The following OPCML variants were observed in gnomAD, a reference collection of about 807,000 sequenced individuals.
OPCML encodes the protein opioid-binding protein/cell adhesion molecule.
In OPCML, 13 loss-of-function variants were observed where a neutral mutation model predicts 37.8. The ratio of observed to expected loss-of-function variants is 0.34; its 90% CI spans 0.22 to 0.55. OPCML has a LOEUF of 0.55. Ranked by LOEUF, OPCML falls within the 20% of genes least tolerant of loss-of-function variation. The pLI, the probability that OPCML is intolerant of heterozygous loss-of-function variation, is 0.91. For synonymous variants in OPCML, 176 were observed against 168.8 expected (o/e 1.04, Z -0.33); for missense variants, 341 against 435.6 (o/e 0.78, Z 1.93).
intron 2 of OPCML, among the ~76,000 whole-genome samples, chr11:132,788,208 C>T (rs780712380): frequency 1.3e-5 from 2 of 152,104 alleles, no homozygotes; most frequent in Non-Finnish European, 2.9e-5. Flanking sequence ...CATCTCTGAG[C>T]TAATATGTCC....
At chr11:133,281,093 T>A (rs1942139799) in intron 1 of OPCML, among the ~76,000 whole-genome samples, 1 of 152,140 alleles carries the variant, frequency 6.6e-6, no homozygotes, top group Non-Finnish European at 1.5e-5. Flanking sequence ...TGTCCCTCAC[T>A]GGGCATCACC....
intron 1 of OPCML, among the ~76,000 whole-genome samples, chr11:133,229,868 T>C (rs1290050603): frequency 6.6e-6 from 1 of 152,200 alleles, no homozygotes; most frequent in African/African-American, 2.4e-5. Context: ...AGTTAGTGCG[T>C]ATTTCCCTTT....
chr11:132,938,903 G>A (rs906971221), intron 2 of OPCML, among the ~76,000 whole-genome samples: 28 of 152,098 alleles, frequency 1.8e-4, no homozygotes, highest in African/African-American at 5.8e-4. Context: ...CAATGGCCAC[G>A]TCCATCCCCA....
chr11:132,625,115 C>T (rs1457957391), intron 3 of OPCML, among the ~76,000 whole-genome samples: 2 of 152,116 alleles, frequency 1.3e-5, no homozygotes, highest in African/African-American at 4.8e-5. Context: ...TGTTCAAAAT[C>T]AACATTGTTA....
chr11:132,947,547 A>G (rs1250770276), intron 1 of OPCML, among the ~76,000 whole-genome samples: 1 of 152,206 alleles, frequency 6.6e-6, no homozygotes, highest in East Asian at 1.9e-4. Context: ...CTGTGAGCCT[A>G]CAGTTGTGTG....
chr11:133,061,398 A>G (rs1948338630), intron 1 of OPCML, among the ~76,000 whole-genome samples: 1 of 152,170 alleles, frequency 6.6e-6, no homozygotes, highest in South Asian at 2.1e-4. Flanking sequence ...ACATCTGGAT[A>G]TGGGGAGAAG....
Position 133,173,653 on chromosome 11 carries a change from G to GT in OPCML, c.62-230644dup, listed in dbSNP as rs1950318771. On this transcript the variant is annotated intron_variant, in intron 1 of 7. Coordinates refer to ENST00000524381, the MANE Select transcript of OPCML (RefSeq NM_001012393.5). The surrounding 1 kb of genome is among the most constrained non-coding windows in gnomAD (Gnocchi z 7.8). ...TTAGCAGTAACGCGATGAGGCTAAC[G>GT]TAAGGGTAGACACCTCCCTGCAGAT... Among the ~76,000 whole-genome samples, 1 of 152,166 alleles carries GT rather than the reference G, an allele frequency of 6.6e-6. No homozygotes were observed. Among genetic ancestry groups the GT allele is most frequent in the South Asian group, 2.1e-4 (1 of 4,830 alleles).
intron 2 of OPCML, among the ~76,000 whole-genome samples, chr11:132,806,499 T>C (rs571269196): frequency 2.6e-5 from 4 of 152,164 alleles, no homozygotes; most frequent in African/African-American, 9.6e-5. Flanking sequence ...AAAAAGTATA[T>C]TACAAGAGAT....
At chr11:132,497,814 G>A (rs537065511) in intron 4 of OPCML, among the ~76,000 whole-genome samples, 3 of 152,294 alleles carry the variant, frequency 2.0e-5, no homozygotes, top group African/African-American at 7.2e-5. Flanking sequence ...ATTCCTTGAA[G>A]CAACTACCAA....
intron 2 of OPCML, among the ~76,000 whole-genome samples, chr11:132,844,695 T>C (rs1284910749): frequency 3.9e-5 from 6 of 152,184 alleles, no homozygotes; most frequent in African/African-American, 1.2e-4. Flanking sequence ...TCATCACTAT[T>C]GAACCTGCCA....
At chr11:132,721,472 G>A (rs942074421) in intron 2 of OPCML, among the ~76,000 whole-genome samples, 1 of 152,214 alleles carries the variant, frequency 6.6e-6, no homozygotes, top group Non-Finnish European at 1.5e-5. Flanking sequence ...AGGTGGCCCA[G>A]CAGCAAGGCG....
At chr11:132,926,721 T>C (rs1232946055) in intron 2 of OPCML, among the ~76,000 whole-genome samples, 1 of 151,960 alleles carries the variant, frequency 6.6e-6, no homozygotes, top group Non-Finnish European at 1.5e-5. Context: ...AAAATCTCCA[T>C]AAGATTTTCC....
At chr11:132,694,290 C>T (rs745665491) in intron 2 of OPCML, among the ~76,000 whole-genome samples, 6 of 144,878 alleles carry the variant, frequency 4.1e-5, no homozygotes, top group African/African-American at 7.7e-5. Flanking sequence ...TCTCCGCCTC[C>T]GGGGTTCAAG....
At chr11:132,927,765 T>C (rs879579713) in intron 2 of OPCML, among the ~76,000 whole-genome samples, 1 of 152,054 alleles carries the variant, frequency 6.6e-6, no homozygotes, top group Non-Finnish European at 1.5e-5. Context: ...TAATAATAAA[T>C]CTATGTTCAT....
intron 3 of OPCML, among the ~76,000 whole-genome samples, chr11:132,558,051 G>C (rs1000595935): frequency 4.6e-5 from 7 of 152,052 alleles, no homozygotes; most frequent in African/African-American, 1.4e-4. Context: ...CATGTGAGTA[G>C]TTAGAGGAGA....
At chr11:132,899,913 C>G (rs1943988198) in intron 2 of OPCML, among the ~76,000 whole-genome samples, 2 of 152,086 alleles carry the variant, frequency 1.3e-5, no homozygotes, top group African/African-American at 4.8e-5. Flanking sequence ...GGACTTAGCC[C>G]AGCAACCCCC....
rs547838851 is a variant in OPCML, at chr11:132,769,243, G to GT, written c.147-111925dup. Among the ~76,000 whole-genome samples, 450 of 144,780 alleles carry GT rather than the reference G, an allele frequency of 3.1e-3. 6 individuals are homozygous for GT. The highest frequency in any genetic ancestry group is 3.3e-3 in the African/African-American group (130 of 39,540). 95.0% of individuals were successfully genotyped at this position (144,780 alleles called of 152,430 possible). On this transcript the variant is annotated intron_variant, in intron 2 of 7. Coordinates refer to ENST00000524381, the MANE Select transcript of OPCML (RefSeq NM_001012393.5). The stretch of plus-strand genomic sequence containing the variant: ...TTTTTTGTTTTTTGGTTTGTTTGTT[G>GT]TTTTTTTTTTTTGAGACGGAGTCTC...
At chr11:132,518,026 T>G (rs2096283927) in intron 4 of OPCML, among the ~76,000 whole-genome samples, 1 of 152,200 alleles carries the variant, frequency 6.6e-6, no homozygotes, top group Non-Finnish European at 1.5e-5. Flanking sequence ...CTTTTGCTAT[T>G]TCCAAGTGCT....
At chr11:132,834,421 C>G (rs1280793797) in intron 2 of OPCML, among the ~76,000 whole-genome samples, 2 of 152,234 alleles carry the variant, frequency 1.3e-5, no homozygotes, top group African/African-American at 2.4e-5. Flanking sequence ...AAAGCACCAT[C>G]AACTGGATGG....
Sources: allele counts gnomAD v4.1 joint callset (sites outside exome capture counted in the v4.1 genomes callset), GRCh38; gene constraint gnomAD v4.1.1; non-coding constraint Gnocchi (gnomAD v3.1); transcripts MANE v1.5; gene names NCBI Gene and HGNC (gene_info 2026-07-23, HGNC 2026-07-21).